RANBP17: variants seen among roughly 807,000 people sequenced by gnomAD.
RANBP17 encodes ran-binding protein 17.
A neutral mutation model predicts 141.2 loss-of-function variants in RANBP17; 158 were observed. The observed-to-expected ratio is 1.12, with a 90% CI of 0.98 to 1.28. The LOEUF is 1.28. Among genes scored for constraint, RANBP17 ranks in the 50% most tolerant of loss-of-function variants. The pLI is 0.00. For synonymous variants in RANBP17, 430 were observed against 450.0 expected (o/e 0.96, Z 0.56); for missense variants, 1,438 against 1,290.7 (o/e 1.11, Z -1.75).
intron 13 of RANBP17, 124 bp from the exon 14 acceptor site, chr5:170,968,118 T>A (rs1288130595): frequency 1.6e-6 from 1 of 642,012 alleles, no homozygotes; most frequent in Non-Finnish European, 2.4e-6. Flanking sequence ...ATTTTCTTTA[T>A]ATTTTTTTAT....
chr5:171,044,418 C>A (rs1398448454), intron 14 of RANBP17, among the ~76,000 whole-genome samples: 1 of 151,830 alleles, frequency 6.6e-6, no homozygotes, highest in Admixed American at 6.6e-5. Context: ...ACCTTATTAG[C>A]AATTTTAATT....
At chr5:171,229,579 G>A (rs1178900104) in intron 22 of RANBP17, among the ~76,000 whole-genome samples, 2 of 151,254 alleles carry the variant, frequency 1.3e-5, no homozygotes, top group African/African-American at 2.4e-5. Context: ...ATTTTTAGTA[G>A]AGATGGGGTT....
chr5:171,296,496 G>A (rs765751476), intron 27 of RANBP17, among the ~76,000 whole-genome samples: 44 of 152,186 alleles, frequency 2.9e-4, no homozygotes, highest in Non-Finnish European at 5.1e-4. Flanking sequence ...CCAGCATATA[G>A]AAATGATAAA....
chr5:170,877,016 T>G (rs967298113), intron 1 of RANBP17, among the ~76,000 whole-genome samples: 7 of 151,996 alleles, frequency 4.6e-5, no homozygotes, highest in South Asian at 2.1e-4. Flanking sequence ...TGGAGAGGAG[T>G]GCTGAACTCA....
chr5:171,067,758 T>A (rs1472036095), intron 14 of RANBP17, among the ~76,000 whole-genome samples: 3 of 152,140 alleles, frequency 2.0e-5, no homozygotes, highest in South Asian at 4.1e-4. Flanking sequence ...CTGCTGTTAG[T>A]CTTATTGAGA....
At chr5:171,090,333 AT>A (rs1313228052) in intron 14 of RANBP17, among the ~76,000 whole-genome samples, 3 of 152,110 alleles carry the variant, frequency 2.0e-5, no homozygotes, top group Non-Finnish European at 4.4e-5. Context: ...TGCCCTAGAG[AT>A]TTGTGGAATT....
intron 22 of RANBP17, among the ~76,000 whole-genome samples, chr5:171,222,871 C>T (rs1763656853): frequency 6.6e-6 from 1 of 152,150 alleles, no homozygotes; most frequent in Non-Finnish European, 1.5e-5. Context: ...TCAAGTGATC[C>T]ACCCACCTCA....
At chr5:170,982,470 TG>T (rs1179531276) in intron 14 of RANBP17, among the ~76,000 whole-genome samples, 2 of 152,174 alleles carry the variant, frequency 1.3e-5, no homozygotes, top group South Asian at 2.1e-4. Context: ...AAAAGGATTT[TG>T]TTAAAAGATG....
chr5:170,988,426 G>T (rs1476336748), intron 14 of RANBP17, among the ~76,000 whole-genome samples: 1 of 150,380 alleles, frequency 6.6e-6, no homozygotes, highest in Non-Finnish European at 1.5e-5. Context: ...ATACCATGTA[G>T]TATGTGACTA....
intron 16 of RANBP17, among the ~76,000 whole-genome samples, chr5:171,178,170 A>ATCCCCCCCCCCCC (rs1760629388): frequency 2.8e-5 from 1 of 36,058 alleles, no homozygotes. Flanking sequence ...TCCCTCCCCT[A>ATCCCCCCCCCCCC]CCCCCCCACC....
intron 1 of RANBP17, among the ~76,000 whole-genome samples, chr5:170,864,877 T>C (rs1767107404): frequency 1.3e-5 from 2 of 152,218 alleles, no homozygotes; most frequent in South Asian, 4.1e-4. Context: ...CAGTGTGGAC[T>C]TGAATGGGAG....
At chr5:171,184,972 G>T (rs1296917020) in intron 18 of RANBP17, among the ~76,000 whole-genome samples, 3 of 152,142 alleles carry the variant, frequency 2.0e-5, no homozygotes, top group African/African-American at 7.2e-5. Flanking sequence ...AGACCAGCCT[G>T]ACCAACATGG....
At chr5:171,250,213 G>T (rs950761153) in intron 24 of RANBP17, among the ~76,000 whole-genome samples, 1 of 152,142 alleles carries the variant, frequency 6.6e-6, no homozygotes, top group African/African-American at 2.4e-5. Context: ...AAATGCTAAG[G>T]GAATTTGTTT....
At chr5:170,891,086 A>G (rs1043017261) in intron 3 of RANBP17, among the ~76,000 whole-genome samples, 4 of 152,240 alleles carry the variant, frequency 2.6e-5, no homozygotes, top group African/African-American at 9.6e-5. Context: ...ATAACATGAC[A>G]TGTTCCTAAA....
chr5:170,908,220 C>A (rs1771226538), intron 5 of RANBP17, among the ~76,000 whole-genome samples: 1 of 151,922 alleles, frequency 6.6e-6, no homozygotes, highest in Non-Finnish European at 1.5e-5. Flanking sequence ...CATGCACTTA[C>A]ATGTTCACTG....
In RANBP17 at chr5:171,198,970, G is replaced by A. The variant is rs188666424; in HGVS notation, c.2039-700G>A. Among the ~76,000 whole-genome samples, 190 of 152,218 alleles carry A rather than the reference G, an allele frequency of 1.2e-3. 1 individual carries two copies. The highest frequency in any genetic ancestry group is 2.4e-3 in the Non-Finnish European group (164 of 68,016). On this transcript the variant is annotated intron_variant, in intron 18 of 27. Transcript: ENST00000523189. The stretch of plus-strand genomic sequence containing the variant: ...TAAATTATCAATTGTGCATATCCAT[G>A]TGTGAAGTGAAGATTCTGCTTTGAC...
At position 170,916,308 on chromosome 5, in the gene RANBP17, T is replaced by A. The variant is rs549356987; in HGVS notation, c.835-157T>A. On this transcript the variant is annotated intron_variant, in intron 8 of 27. Coordinates refer to ENST00000523189, the MANE Select transcript of RANBP17 (RefSeq NM_022897.5). ...GCATTATAATGCGTTATATTCTATA[T>A]TGCATTATAATGCGTTATATTCTAT... 1.4e-5 allele frequency among the ~76,000 whole-genome samples: 2 copies of A among 145,900 alleles called. 1 individual carries two copies. The highest frequency in any genetic ancestry group is 5.0e-5 in the African/African-American group (2 of 39,782).
At chr5:171,266,859 G>T (rs1287475975) in intron 25 of RANBP17, among the ~76,000 whole-genome samples, 2 of 151,684 alleles carry the variant, frequency 1.3e-5, no homozygotes, top group African/African-American at 4.8e-5. Context: ...GTTGCAGTGA[G>T]CTGAGATCAC....
At chr5:171,041,262 TA>T (rs755492949) in intron 14 of RANBP17, among the ~76,000 whole-genome samples, 2 of 152,280 alleles carry the variant, frequency 1.3e-5, no homozygotes, top group East Asian at 1.9e-4. Context: ...TTATTACTAT[TA>T]AGCAGTAATT....
Sources: gnomAD v4.1 joint callset for allele counts (sites outside exome capture counted in the v4.1 genomes callset) on GRCh38, gnomAD v4.1.1 for gene constraint, MANE v1.5 for transcripts, NCBI Gene and HGNC (gene_info 2026-07-23, HGNC 2026-07-21) for gene names.